The following STAM variants were observed in gnomAD, a reference collection of about 807,000 sequenced individuals.
The protein encoded by STAM is signal transducing adapter molecule 1.
STAM carries 16 observed loss-of-function variants against 63.4 expected under a neutral mutation model. That is an observed-to-expected ratio of 0.25 (90% CI 0.17 to 0.38). The LOEUF is 0.38. Among genes scored for constraint, STAM ranks in the 10% least tolerant of loss-of-function variants. The pLI is 1.00. For synonymous variants in STAM, 238 were observed against 223.9 expected (o/e 1.06, Z -0.56); for missense variants, 636 against 657.1 (o/e 0.97, Z 0.35).
intron 9 of STAM, among the ~76,000 whole-genome samples, chr10:17,703,026 AAGAAAAG>A (rs1482884654): frequency 2.9e-5 from 3 of 103,364 alleles, no homozygotes; most frequent in South Asian, 3.2e-4. Context: ...AAAAAAAAAA[AAGAAAAG>A]AAAAGAAAAG....
At chr10:17,664,245 G>A (rs1463107962) in intron 2 of STAM, among the ~76,000 whole-genome samples, 1 of 151,924 alleles carries the variant, frequency 6.6e-6, no homozygotes, top group Non-Finnish European at 1.5e-5. Context: ...ACTTATGGTG[G>A]CATTCCTAAT....
intron 5 of STAM, among the ~76,000 whole-genome samples, chr10:17,689,467 A>AT (rs1835438759): frequency 6.6e-6 from 1 of 152,160 alleles, no homozygotes; most frequent in East Asian, 1.9e-4. Flanking sequence ...AGCAAAGGAC[A>AT]TTCTTCTTCT....
At chr10:17,690,323 T>G (rs1016181527) in intron 5 of STAM, among the ~76,000 whole-genome samples, 1 of 152,246 alleles carries the variant, frequency 6.6e-6, no homozygotes. Context: ...AGAAACTAGC[T>G]TATTCTCTTG....
intron 4 of STAM, among the ~76,000 whole-genome samples, chr10:17,686,669 G>A (rs529123218): frequency 3.4e-4 from 52 of 152,114 alleles, no homozygotes; most frequent in Non-Finnish European, 6.8e-4. Context: ...GAGCCACCGC[G>A]CCCAGCCAAC....
chr10:17,711,949 A>G (rs1836574332), intron 13 of STAM, among the ~76,000 whole-genome samples: 2 of 152,360 alleles, frequency 1.3e-5, no homozygotes, highest in Middle Eastern at 3.4e-3. Flanking sequence ...ATACAGTGCT[A>G]TTAATTGGAA....
chr10:17,673,858 A>G (rs1554824354), intron 2 of STAM, among the ~76,000 whole-genome samples: 1 of 152,218 alleles, frequency 6.6e-6, no homozygotes, highest in East Asian at 1.9e-4. Flanking sequence ...GATTTAGTTC[A>G]ATATTTGAGT....
chr10:17,701,022 G>A (rs1045678245), intron 9 of STAM, among the ~76,000 whole-genome samples: 1 of 152,080 alleles, frequency 6.6e-6, no homozygotes, highest in Non-Finnish European at 1.5e-5. Context: ...ATATGTCATT[G>A]TCACACCTGA....
intron 2 of STAM, among the ~76,000 whole-genome samples, chr10:17,675,224 G>A (rs1301250341): frequency 6.6e-6 from 1 of 151,994 alleles, no homozygotes; most frequent in Non-Finnish European, 1.5e-5. Context: ...GCATTTTTTG[G>A]CTGGGCACGT....
At chr10:17,675,495 C>G (rs1834811836) in intron 2 of STAM, among the ~76,000 whole-genome samples, 1 of 141,738 alleles carries the variant, frequency 7.1e-6, no homozygotes, top group African/African-American at 2.7e-5. Context: ...CAGAGTGAGA[C>G]TCTGTCTCAA....
chr10:17,702,768 G>A (rs756985086), intron 9 of STAM, among the ~76,000 whole-genome samples: 4 of 152,096 alleles, frequency 2.6e-5, no homozygotes, highest in Non-Finnish European at 5.9e-5. Flanking sequence ...CCAGCACTTC[G>A]GGAGGCCGAG....
intron 2 of STAM, among the ~76,000 whole-genome samples, chr10:17,682,485 T>C (rs1309606541): frequency 3.3e-5 from 5 of 152,226 alleles, no homozygotes; most frequent in Non-Finnish European, 7.3e-5. Flanking sequence ...AGGGAAATTA[T>C]GGTTCTGTGA....
rs782495202 is a variant in STAM, at chr10:17,714,547, A to G, written c.1390A>G (p.Met464Val). ...QQTQAAYPNT[M>V]VSSVQGNTYP... is the part of the protein sequence containing the mutation. ...AGTGTTTTTCTTCCTCCACAGTACA[A>G]TGGTCAGTTCCGTTCAAGGAAACAC... Residue 464 changes from methionine (M) to valine (V), a missense_variant, in exon 14 of 14, where the codon ATG becomes GTG. This residue lies in a region of STAM where 532 missense variants were observed against 536.9 expected (regional missense o/e 0.99). Coordinates refer to ENST00000377524, the MANE Select transcript of STAM (RefSeq NM_003473.4). 6.2e-6 allele frequency: 10 copies of G among 1,613,848 alleles called. No homozygotes were observed. The highest frequency in any genetic ancestry group is 5.3e-5 in the African/African-American group (4 of 74,890).
chr10:17,695,373 G>T, intron 7 of STAM, 132 bp downstream of exon 7: 1 of 786,352 alleles, frequency 1.3e-6, no homozygotes, highest in Non-Finnish European at 1.9e-6. Context: ...TATGACAGTT[G>T]GCTGATTTGC....
intron 1 of STAM, among the ~76,000 whole-genome samples, chr10:17,645,240 G>C (rs1259346189): frequency 6.6e-6 from 1 of 152,190 alleles, no homozygotes; most frequent in South Asian, 2.1e-4. Flanking sequence ...TGGCACACAA[G>C]TGTGGAATGA....
intron 8 of STAM, among the ~76,000 whole-genome samples, chr10:17,697,218 C>T (rs531410694): frequency 1.3e-5 from 2 of 152,210 alleles, no homozygotes; most frequent in Non-Finnish European, 2.9e-5. Context: ...CGTGAGCCAT[C>T]GCACCTGGCC....
intron 9 of STAM, among the ~76,000 whole-genome samples, chr10:17,702,516 T>C (rs570192627): frequency 6.6e-6 from 1 of 152,356 alleles, no homozygotes; most frequent in South Asian, 2.1e-4. Context: ...GTCCTGGGAA[T>C]CTTATCCTTT....
At chr10:17,703,129 T>A (rs1339255076) in intron 9 of STAM, among the ~76,000 whole-genome samples, 1 of 152,072 alleles carries the variant, frequency 6.6e-6, no homozygotes, top group East Asian at 1.9e-4. Context: ...TATTGTATAG[T>A]ATTCTGTAAG....
rs192722490 is a variant in STAM at position 17,700,091 on chromosome 10, G to A, written c.824-100G>A. On this transcript the variant is annotated intron_variant, in intron 8 of 13. Coordinates refer to ENST00000377524, the MANE Select transcript of STAM (RefSeq NM_003473.4). ...AATTGCGCCTTTTAGCTTGCTGGGA[G>A]TATAAGAAAAATCCCCAAATCTCTC... 81 of 922,634 alleles carry A rather than the reference G, an allele frequency of 8.8e-5. No individual in the cohort carries two copies. In the South Asian group the frequency reaches 1.3e-3, roughly 14 times the overall value. 57.2% of individuals were successfully genotyped at this position (922,634 alleles called of 1,614,324 possible). A position where few individuals can be genotyped will look rare whatever the true frequency, so the allele number is the denominator to read the frequency against.
intron 8 of STAM, among the ~76,000 whole-genome samples, chr10:17,699,053 CA>C (rs1554827985): frequency 6.6e-6 from 1 of 152,108 alleles, no homozygotes; most frequent in Non-Finnish European, 1.5e-5. Context: ...ACGGAGTACC[CA>C]AGTGATTGGA....
Sources: gnomAD v4.1 joint callset for allele counts (sites outside exome capture counted in the v4.1 genomes callset) on GRCh38, gnomAD v4.1.1 for gene constraint, gnomAD v4.1.1 regional missense constraint, MANE v1.5 for transcripts, NCBI Gene and HGNC (gene_info 2026-07-23, HGNC 2026-07-21) for gene names.